Variants in ZBTB20 observed in about 807,000 individuals in gnomAD.
ZBTB20 encodes the protein zinc finger and BTB domain containing 20, also known as zinc finger and BTB domain-containing protein 20.
In ZBTB20, 9 loss-of-function variants were observed where a neutral mutation model predicts 56.9. The ratio of observed to expected loss-of-function variants is 0.16; its 90% CI spans 0.10 to 0.28. The LOEUF is 0.28. ZBTB20 is among the 10% of genes least tolerant of loss of function. The probability of loss-of-function intolerance (pLI) is 1.00; values close to 1 mark genes in which losing one functional copy is unlikely to be tolerated. For missense variants in ZBTB20, 655 were observed against 1,003.0 expected (o/e 0.65, Z 4.69); for synonymous variants, 417 against 420.7 (o/e 0.99, Z 0.11).
At chr3:114,595,209 T>C (rs2056205184) in intron 6 of ZBTB20, among the ~76,000 whole-genome samples, 1 of 152,180 alleles carries the variant, frequency 6.6e-6, no homozygotes, top group African/African-American at 2.4e-5. Context: ...CAATGACTGA[T>C]TGGACTTAAA....
intron 7 of ZBTB20, among the ~76,000 whole-genome samples, chr3:114,407,914 G>T (rs2693056): frequency 0.04 from 6,051 of 151,678 alleles, 398 homozygotes; most frequent in African/African-American, 0.13. Flanking sequence ...CTATATGAGG[G>T]GGGGGAAACA....
intron 7 of ZBTB20, among the ~76,000 whole-genome samples, chr3:114,479,663 G>A (rs997572117): frequency 6.6e-5 from 10 of 152,164 alleles, no homozygotes; most frequent in African/African-American, 2.4e-4. Flanking sequence ...GTGTCTATGT[G>A]TGTTTCTAAT....
At chr3:114,706,284 G>A (rs1473382005) in intron 5 of ZBTB20, among the ~76,000 whole-genome samples, 1 of 152,116 alleles carries the variant, frequency 6.6e-6, no homozygotes, top group African/African-American at 2.4e-5. Flanking sequence ...CCTCATAAAA[G>A]GGGGCATTAA....
chr3:114,590,524 A>AAAT lies in ZBTB20; in HGVS notation c.-294-90134_-294-90133insATT, dbSNP rs1553760861. ...TTTAATAAAAAATAAAAATAAATAA[A>AAAT]AAATAAACAAAAATAAAAATAAATA... On this transcript the variant is annotated intron_variant, in intron 6 of 11. Coordinates refer to ENST00000675478, the MANE Select transcript of ZBTB20 (RefSeq NM_001348800.3). Among the ~76,000 whole-genome samples the AAAT allele has an allele frequency of 2.7e-5, 4 of 148,730 alleles. No homozygotes were observed. In the South Asian group the frequency reaches 8.4e-4, roughly 31 times the overall value.
At chr3:114,367,406 CAA>C (rs1369940773) in intron 10 of ZBTB20, among the ~76,000 whole-genome samples, 1 of 152,130 alleles carries the variant, frequency 6.6e-6, no homozygotes, top group Non-Finnish European at 1.5e-5. Flanking sequence ...AGCTGGACTA[CAA>C]GTGCACACCA....
intron 1 of ZBTB20, among the ~76,000 whole-genome samples, chr3:115,091,589 G>A (rs1227826536): frequency 5.3e-5 from 8 of 151,760 alleles, no homozygotes; most frequent in Non-Finnish European, 8.8e-5. Flanking sequence ...AATTTATAAA[G>A]GGATGTTTAG....
rs2079107027 is a variant in ZBTB20, at chr3:114,327,705, A to G, written c.*11300T>C. The G allele has an allele frequency of 1.3e-5, 2 of 152,202 alleles. No homozygotes were observed. Among genetic ancestry groups the G allele is most frequent in the Admixed American group, 6.5e-5 (1 of 15,276 alleles). 9.4% of individuals were successfully genotyped at this position (152,202 alleles called of 1,614,324 possible). On this transcript the variant is annotated 3_prime_UTR_variant, in exon 12 of 12. Transcript: ENST00000675478. ...GTCAAATCTCAAGTCAAATAAAAAT[A>G]CATTTCTGATATTAAATGTTGATTC...
At chr3:115,014,943 T>C (rs1182182092) in intron 2 of ZBTB20, among the ~76,000 whole-genome samples, 1 of 151,850 alleles carries the variant, frequency 6.6e-6, no homozygotes, top group Admixed American at 6.6e-5. Context: ...TGTCACTTTA[T>C]AAAAGGCTAA....
intron 6 of ZBTB20, among the ~76,000 whole-genome samples, chr3:114,558,872 G>A (rs890434432): frequency 6.6e-6 from 1 of 152,072 alleles, no homozygotes; most frequent in Non-Finnish European, 1.5e-5. Context: ...TAGCTCACTT[G>A]AGCCTCAAGG....
At chr3:115,002,111 A>T (rs1287890760) in intron 2 of ZBTB20, among the ~76,000 whole-genome samples, 1 of 151,562 alleles carries the variant, frequency 6.6e-6, no homozygotes, top group Non-Finnish European at 1.5e-5. Context: ...GTTCTTTGAC[A>T]AAGAAGTAAA....
chr3:114,793,424 G>C (rs2071114951), intron 5 of ZBTB20, among the ~76,000 whole-genome samples: 1 of 152,124 alleles, frequency 6.6e-6, no homozygotes, highest in East Asian at 1.9e-4. Context: ...TATGTGATAT[G>C]ATGGGGTATT....
At chr3:115,114,412 T>C (rs889302063) in intron 1 of ZBTB20, among the ~76,000 whole-genome samples, 2 of 152,086 alleles carry the variant, frequency 1.3e-5, no homozygotes, top group Admixed American at 6.6e-5. Flanking sequence ...AAATAATCAA[T>C]TTTCAATATT....
At chr3:114,998,971 G>T (rs1451818939) in intron 2 of ZBTB20, among the ~76,000 whole-genome samples, 1 of 132,962 alleles carries the variant, frequency 7.5e-6, no homozygotes, top group Non-Finnish European at 1.6e-5. Flanking sequence ...TCGAAGTCAA[G>T]AGAAAAGAAT....
rs548462371 is a variant in ZBTB20, at chr3:114,994,599, A to T, written c.-506-20183T>A. On this transcript the variant is annotated intron_variant, in intron 2 of 11. Transcript: ENST00000675478. ...ATAGAAATAATAAACACAAATTTTTAAAAATTATTTTTACTTCATTCTTAT... is the reference window on the plus strand; with the variant it reads ...ATAGAAATAATAAACACAAATTTTTTAAAATTATTTTTACTTCATTCTTAT... Among the ~76,000 whole-genome samples, 5 of 152,094 alleles carry T rather than the reference A, an allele frequency of 3.3e-5. No individual in the cohort carries two copies. In the East Asian group the frequency reaches 7.8e-4, roughly 24 times the overall value.
intron 6 of ZBTB20, among the ~76,000 whole-genome samples, chr3:114,556,955 C>A (rs940801707): frequency 1.3e-5 from 2 of 151,992 alleles, no homozygotes; most frequent in African/African-American, 4.8e-5. Context: ...TGTGAAGTGT[C>A]AGCCAGAAAT....
At chr3:114,556,760 A>C (rs1394549530) in intron 6 of ZBTB20, among the ~76,000 whole-genome samples, 2 of 152,068 alleles carry the variant, frequency 1.3e-5, no homozygotes, top group Non-Finnish European at 2.9e-5. Context: ...ATGGGACTTA[A>C]GACACTTTCC....
intron 3 of ZBTB20, among the ~76,000 whole-genome samples, chr3:114,956,636 C>T (rs919043310): frequency 6.6e-6 from 1 of 152,174 alleles, no homozygotes; most frequent in Non-Finnish European, 1.5e-5. Context: ...CATTTACAAA[C>T]ATTTTGACAA....
chr3:114,483,735 G>A (rs1035386629), intron 7 of ZBTB20, among the ~76,000 whole-genome samples: 19 of 152,284 alleles, frequency 1.2e-4, no homozygotes, highest in African/African-American at 4.6e-4. Flanking sequence ...TGCTACTTTC[G>A]AAGAGTGAAA....
chr3:115,061,557 G>A (rs1193636857), intron 2 of ZBTB20, among the ~76,000 whole-genome samples: 2 of 152,104 alleles, frequency 1.3e-5, no homozygotes, highest in South Asian at 4.1e-4. Context: ...GAAAAATATA[G>A]GCAAAATATT....
Sources: allele counts gnomAD v4.1 joint callset (sites outside exome capture counted in the v4.1 genomes callset), GRCh38; gene constraint gnomAD v4.1.1; transcripts MANE v1.5; gene names NCBI Gene and HGNC (gene_info 2026-07-23, HGNC 2026-07-21).